The following AR variants were observed in gnomAD, a reference collection of about 807,000 sequenced individuals.
AR encodes the protein androgen receptor.
Under a neutral mutation model 53.9 loss-of-function variants are expected in AR, and 8 were observed. The ratio of observed to expected loss-of-function variants is 0.15; its 90% CI spans 0.09 to 0.27. The LOEUF (loss-of-function observed/expected upper bound fraction) is 0.27. Ranked by LOEUF, AR falls within the 10% of genes least tolerant of loss-of-function variation. The pLI is 1.00. For synonymous variants in AR, 359 were observed against 316.4 expected, an observed-to-expected ratio of 1.13 and a Z score of -1.43; for missense variants, 639 against 742.5, an observed-to-expected ratio of 0.86 and a Z score of 1.62.
chrX:67,619,331 C>CTGTGTGTG (rs749055716), intron 1 of AR, among the ~76,000 whole-genome samples: 1 of 103,818 alleles, frequency 9.6e-6, no homozygotes, highest in Non-Finnish European at 2.0e-5. Context: ...CTCTCTCTCT[C>CTGTGTGTG]TGTGTGTGTG....
At chrX:67,549,839 C>T (rs1013377073) in intron 1 of AR, among the ~76,000 whole-genome samples, 8 of 112,014 alleles carry the variant, frequency 7.1e-5, no homozygotes, top group African/African-American at 2.6e-4. Flanking sequence ...TGCTCCCTTT[C>T]TCTATTAGAT....
chrX:67,568,783 G>A (rs1921669483), intron 1 of AR: 2 of 1,054,977 alleles, frequency 1.9e-6, no homozygotes, highest in South Asian at 4.9e-5. Context: ...AACCCACTGT[G>A]TATTGCAGAA....
intron 1 of AR, among the ~76,000 whole-genome samples, chrX:67,591,593 A>G (rs1426107889): frequency 8.9e-6 from 1 of 111,801 alleles, no homozygotes; most frequent in Non-Finnish European, 1.9e-5. Context: ...ATAAGGCCCA[A>G]CAGGGCTCTC....
intron 4 of AR, among the ~76,000 whole-genome samples, chrX:67,712,679 T>A (rs960858087): frequency 2.7e-5 from 3 of 112,124 alleles, no homozygotes; most frequent in African/African-American, 9.7e-5. Context: ...AGGTCACTCT[T>A]GCAAAATCTT....
intron 2 of AR, among the ~76,000 whole-genome samples, chrX:67,667,549 C>T (rs1385971907): frequency 9.0e-6 from 1 of 111,060 alleles, no homozygotes; most frequent in African/African-American, 3.3e-5. Context: ...TCCTGGGTCT[C>T]TTGTGGTTCT....
At chrX:67,560,611 A>G in intron 1 of AR, among the ~76,000 whole-genome samples, 1 of 111,624 alleles carries the variant, frequency 9.0e-6, no homozygotes, top group East Asian at 2.8e-4. Context: ...AATTATTTAA[A>G]TCTGGTGTTC....
intron 4 of AR, among the ~76,000 whole-genome samples, chrX:67,714,351 A>G (rs745492474): frequency 5.4e-5 from 6 of 112,123 alleles, no homozygotes; most frequent in Non-Finnish European, 7.5e-5. Flanking sequence ...AACATAGTCA[A>G]TGCTCTGTAA....
At chrX:67,633,288 A>T (rs934233935) in intron 1 of AR, among the ~76,000 whole-genome samples, 1 of 111,063 alleles carries the variant, frequency 9.0e-6, no homozygotes, top group Non-Finnish European at 1.9e-5. Context: ...CCCTCCTCCT[A>T]CCCTCCACCA....
At chrX:67,626,943 C>T in intron 1 of AR, among the ~76,000 whole-genome samples, 1 of 104,537 alleles carries the variant, frequency 9.6e-6, no homozygotes, top group Non-Finnish European at 2.0e-5. Flanking sequence ...ATCCATGTCC[C>T]TACAAAGGAC....
At chrX:67,612,700 C>T (rs1017276704) in intron 1 of AR, among the ~76,000 whole-genome samples, 2 of 112,015 alleles carry the variant, frequency 1.8e-5, no homozygotes, top group African/African-American at 6.5e-5. Flanking sequence ...GATCAATCAA[C>T]CATTTAAAAT....
chrX:67,607,642 T>G (rs999431700), intron 1 of AR, among the ~76,000 whole-genome samples: 1 of 112,272 alleles, frequency 8.9e-6, no homozygotes, highest in Non-Finnish European at 1.9e-5. Flanking sequence ...ATAATGGATT[T>G]GTAAGCATTT....
chrX:67,632,383 G>A (rs780753346), intron 1 of AR, among the ~76,000 whole-genome samples: 1 of 112,181 alleles, frequency 8.9e-6, no homozygotes, highest in South Asian at 3.7e-4. Context: ...CAGTATTTGG[G>A]TGGGAGTGAC....
chrX:67,648,351 A>G (rs542631672), intron 2 of AR, among the ~76,000 whole-genome samples: 20 of 111,752 alleles, frequency 1.8e-4, no homozygotes, highest in African/African-American at 6.2e-4. Flanking sequence ...TATGAACTAT[A>G]TATGAATGAA....
chrX:67,558,554 A>G (rs1207064712), intron 1 of AR, among the ~76,000 whole-genome samples: 1 of 111,756 alleles, frequency 8.9e-6, no homozygotes, highest in Non-Finnish European at 1.9e-5. Flanking sequence ...CCCCTATTAT[A>G]GTCCACTGAT....
intron 3 of AR, among the ~76,000 whole-genome samples, chrX:67,700,967 C>A (rs1021249518): frequency 9.0e-6 from 1 of 111,469 alleles, no homozygotes; most frequent in Admixed American, 9.6e-5. Flanking sequence ...GGATTTATTT[C>A]TTCTTTATCA....
intron 2 of AR, among the ~76,000 whole-genome samples, chrX:67,674,609 G>A (rs908068997): frequency 9.0e-6 from 1 of 111,423 alleles, no homozygotes; most frequent in Non-Finnish European, 1.9e-5. Flanking sequence ...GTATTGTCTG[G>A]CTACCACCAA....
intron 3 of AR, among the ~76,000 whole-genome samples, chrX:67,696,308 C>T (rs764313358): frequency 5.8e-4 from 65 of 111,148 alleles, no homozygotes; most frequent in African/African-American, 1.9e-3. Context: ...GCCTGGTATT[C>T]GAAAGCATTT....
rs775061111 is a variant in AR at position 67,727,012 on chromosome X, G to A, written c.*3171G>A. 3.7e-4 allele frequency: 64 copies of A among 172,131 alleles called. No homozygotes were observed. Among genetic ancestry groups the A allele is most frequent in the Non-Finnish European group, 6.2e-4 (56 of 89,859 alleles). The allele number at this position is 172,131 out of a possible 1,213,427, so 14.2% of individuals were successfully genotyped here. A position where few individuals can be genotyped will look rare whatever the true frequency, so the allele number is the denominator to read the frequency against. ...GAAGGAGCACCAGGGAGAAGGCTCC[G>A]TCTGTGCTGGGCAGCAGACAGCTGC... is the stretch of plus-strand genomic sequence containing the variant. On this transcript the variant is annotated 3_prime_UTR_variant, in exon 8 of 8. Transcript: ENST00000374690.
chrX:67,605,889 C>T (rs1335674813), intron 1 of AR, among the ~76,000 whole-genome samples: 1 of 111,907 alleles, frequency 8.9e-6, no homozygotes, highest in Non-Finnish European at 1.9e-5. Flanking sequence ...ACATAATAGA[C>T]AGATCATTGG....
Sources: gnomAD v4.1 joint callset for allele counts (sites outside exome capture counted in the v4.1 genomes callset) on GRCh38, gnomAD v4.1.1 for gene constraint, MANE v1.5 for transcripts, NCBI Gene and HGNC (gene_info 2026-07-23, HGNC 2026-07-21) for gene names.